NXPH4: variants seen among roughly 807,000 people sequenced by gnomAD.
NXPH4 encodes the protein neurexophilin 4, also known as neurexophilin-4.
Under a neutral mutation model 21.3 loss-of-function variants are expected in NXPH4, and 8 were observed. The observed-to-expected ratio is 0.38, with a 90% CI of 0.22 to 0.68. The LOEUF is 0.68. Among genes scored for constraint, NXPH4 ranks in the 30% least tolerant of loss-of-function variants. The probability of loss-of-function intolerance (pLI) is 0.53; values close to 1 mark genes in which losing one functional copy is unlikely to be tolerated. For missense variants in NXPH4, 418 were observed against 416.8 expected (o/e 1.00, Z -0.03); for synonymous variants, 219 against 192.6 (o/e 1.14, Z -1.13).
intron 1 of NXPH4, chr12:57,221,471 C>T (rs1237844353): frequency 2.5e-5 from 10 of 402,204 alleles, no homozygotes; most frequent in African/African-American, 2.0e-4. Context: ...CCAGCAGTGT[C>T]ATCCCCAAAG....
chr12:57,219,700 A>G (rs1211401949), intron 1 of NXPH4, among the ~76,000 whole-genome samples: 3 of 148,038 alleles, frequency 2.0e-5, no homozygotes, highest in Non-Finnish European at 4.5e-5. Flanking sequence ...ATTTGGGGGT[A>G]ATCAGGGGCC....
chr12:57,225,030 G>C lies in NXPH4; in HGVS notation c.210G>C (p.Pro70=), dbSNP rs769207367. 1 of 1,487,144 alleles carries C rather than the reference G, an allele frequency of 6.7e-7. No individual in the cohort carries two copies. Among genetic ancestry groups the C allele is most frequent in the South Asian group, 1.3e-5 (1 of 77,332 alleles). The allele number at this position is 1,487,144 out of a possible 1,614,324, so 92.1% of individuals were successfully genotyped here. Reference sequence around the variant, plus strand: ...GCCGCGCCTGGAGCTGGGCCTGGCCGACCAACCACACGGGGGCGCTGGCCC... The same window carrying C: ...GCCGCGCCTGGAGCTGGGCCTGGCCCACCAACCACACGGGGGCGCTGGCCC... The part of the protein sequence containing the change: ...GVGRAWSWAW[P]TNHTGALARA... The change falls in exon 2 of 2, where the codon CCG becomes CCC. Residue 70 remains proline (P), a synonymous_variant. Coordinates refer to ENST00000349394, the MANE Select transcript of NXPH4 (RefSeq NM_007224.4).
At chr12:57,222,079 A>G (rs2037096947) in intron 1 of NXPH4, among the ~76,000 whole-genome samples, 1 of 152,024 alleles carries the variant, frequency 6.6e-6, no homozygotes, top group South Asian at 2.1e-4. Flanking sequence ...GGAGGATCTT[A>G]TTTTATTTTA....
intron 1 of NXPH4, among the ~76,000 whole-genome samples, chr12:57,220,291 C>T (rs2037078334): frequency 1.3e-5 from 2 of 152,126 alleles, no homozygotes; most frequent in African/African-American, 4.8e-5. Flanking sequence ...CCGGCTCCGG[C>T]TTCGGGAAAT....
At chr12:57,219,139 G>A (rs2037066103) in intron 1 of NXPH4, among the ~76,000 whole-genome samples, 1 of 152,148 alleles carries the variant, frequency 6.6e-6, no homozygotes, top group African/African-American at 2.4e-5. Flanking sequence ...GTAAGAGGTG[G>A]CTAGGGGACA....
chr12:57,221,458 A>G (rs914076832), intron 1 of NXPH4: 1 of 421,904 alleles, frequency 2.4e-6, no homozygotes, highest in Admixed American at 2.5e-5. Context: ...TCCTCCCCCA[A>G]TCCCAGCAGT....
intron 1 of NXPH4, among the ~76,000 whole-genome samples, chr12:57,224,402 G>T (rs1388597959): frequency 6.6e-6 from 1 of 152,204 alleles, no homozygotes; most frequent in Non-Finnish European, 1.5e-5. Context: ...GATTACAGGC[G>T]TGAGTCACCG....
In NXPH4 at chr12:57,225,146, G is replaced by T; in HGVS notation, c.326G>T (p.Gly109Val). Residue 109 changes from glycine (G) to valine (V), a missense_variant, in exon 2 of 2, where the codon GGG becomes GTG. By Grantham distance (109) the Gly-to-Val change is moderately radical. Transcript: ENST00000349394. ...CGCGCCAAAAAGATCTTCGGCTGGG[G>T]GGACTTCTACTTTCGGGTGCATACC... Reference protein sequence around the residue: ...AARAKKIFGWGDFYFRVHTLK... With the variant: ...AARAKKIFGWVDFYFRVHTLK... 1 of 1,569,926 alleles carries T rather than the reference G, an allele frequency of 6.4e-7. No individual in the cohort carries two copies. The highest frequency in any genetic ancestry group is 8.6e-7 in the Non-Finnish European group (1 of 1,158,118).
At chr12:57,222,896 A>G (rs2037105200) in intron 1 of NXPH4, among the ~76,000 whole-genome samples, 1 of 152,082 alleles carries the variant, frequency 6.6e-6, no homozygotes, top group Non-Finnish European at 1.5e-5. Context: ...AGCATTAATA[A>G]CCCGGGATCG....
intron 1 of NXPH4, chr12:57,221,566 G>C (rs926252933): frequency 2.9e-6 from 1 of 340,890 alleles, no homozygotes; most frequent in South Asian, 2.1e-5. Flanking sequence ...CGCTGCCTCG[G>C]GGGTAAAGCC....
At chr12:57,221,572 A>G (rs2136769407) in intron 1 of NXPH4, 1 of 339,132 alleles carries the variant, frequency 2.9e-6, no homozygotes, top group East Asian at 8.0e-5. Flanking sequence ...CTCGGGGGTA[A>G]AGCCCTCCTG....
intron 1 of NXPH4, 135 bp downstream of exon 1, chr12:57,217,161 C>G (rs2037048092): frequency 2.6e-6 from 2 of 760,004 alleles, no homozygotes; most frequent in African/African-American, 3.7e-5. Flanking sequence ...GCGGGGGAAG[C>G]GGACAGACAG....
At chr12:57,217,107 C>A in intron 1 of NXPH4, 81 bp downstream of exon 1, 2 of 1,215,156 alleles carry the variant, frequency 1.6e-6, no homozygotes, top group Non-Finnish European at 2.3e-6. Flanking sequence ...GGGCTCCGTG[C>A]GCCCGCCCCG....
rs780360905 is a variant in NXPH4 at position 57,225,717 on chromosome 12, C to T, written c.897C>T (p.Asn299=). Residue 299 remains asparagine, a synonymous_variant, in exon 2 of 2, where the codon AAC becomes AAT. Coordinates refer to ENST00000349394, the MANE Select transcript of NXPH4 (RefSeq NM_007224.4). ...KLVQKVCPDY[N]FQSEHPYFG is the part of the protein sequence containing the mutation. Reference sequence around the variant, plus strand: ...TGCAGAAGGTGTGCCCAGACTATAACTTCCAGAGTGAGCACCCCTACTTCG... The same window carrying T: ...TGCAGAAGGTGTGCCCAGACTATAATTTCCAGAGTGAGCACCCCTACTTCG... The T allele has an allele frequency of 6.2e-7, 1 of 1,613,532 alleles. No individual in the cohort carries two copies. Among genetic ancestry groups the T allele is most frequent in the South Asian group, 1.1e-5 (1 of 91,078 alleles).
chr12:57,220,302 T>C (rs2037078507), intron 1 of NXPH4, among the ~76,000 whole-genome samples: 1 of 152,030 alleles, frequency 6.6e-6, no homozygotes. Context: ...TTCGGGAAAT[T>C]ACATCCCCGC....
chr12:57,220,418 C>T (rs1043474094), intron 1 of NXPH4, among the ~76,000 whole-genome samples: 5 of 152,246 alleles, frequency 3.3e-5, no homozygotes, highest in South Asian at 2.1e-4. Flanking sequence ...GGGGGGCAGT[C>T]GTTCCCGCGG....
intron 1 of NXPH4, among the ~76,000 whole-genome samples, chr12:57,217,752 A>G (rs1285377928): frequency 2.0e-5 from 3 of 152,176 alleles, no homozygotes; most frequent in Non-Finnish European, 4.4e-5. Context: ...GGGAGCTCAG[A>G]CTTGATCTGC....
At chr12:57,218,589 T>C (rs2037061021) in intron 1 of NXPH4, among the ~76,000 whole-genome samples, 1 of 152,196 alleles carries the variant, frequency 6.6e-6, no homozygotes, top group African/African-American at 2.4e-5. Context: ...CTTTGCCCCC[T>C]GAGGGGGAAT....
intron 1 of NXPH4, among the ~76,000 whole-genome samples, chr12:57,223,719 C>A (rs2037113931): frequency 6.6e-6 from 1 of 152,236 alleles, no homozygotes; most frequent in Admixed American, 6.5e-5. Flanking sequence ...CTCCATATTT[C>A]TTCCTCTTGC....
Sources: gnomAD v4.1 joint callset for allele counts (sites outside exome capture counted in the v4.1 genomes callset) on GRCh38, gnomAD v4.1.1 for gene constraint, MANE v1.5 for transcripts, NCBI Gene and HGNC (gene_info 2026-07-23, HGNC 2026-07-21) for gene names.